Variants in MTA3 observed in about 807,000 individuals in gnomAD.
The protein encoded by MTA3 is metastasis associated 1 family member 3.
A neutral mutation model predicts 83.5 loss-of-function variants in MTA3; 34 were observed. The ratio of observed to expected loss-of-function variants is 0.41; its 90% CI spans 0.31 to 0.54. MTA3 has a LOEUF of 0.54. MTA3 is among the 20% of genes least tolerant of loss of function. MTA3 has a pLI of 0.33. For synonymous variants in MTA3, 303 were observed against 252.7 expected (o/e 1.20, Z -1.89); for missense variants, 761 against 726.4 (o/e 1.05, Z -0.55).
intron 2 of MTA3, among the ~76,000 whole-genome samples, chr2:42,571,812 T>C (rs1678517161): frequency 6.6e-6 from 1 of 151,966 alleles, no homozygotes; most frequent in African/African-American, 2.4e-5. Flanking sequence ...CTGAGTGTGT[T>C]GGTGCATGCC....
At chr2:42,746,628 A>G (rs963372078) in intron 16 of MTA3, among the ~76,000 whole-genome samples, 7 of 152,206 alleles carry the variant, frequency 4.6e-5, no homozygotes, top group Admixed American at 1.3e-4. Flanking sequence ...CTGGCTATAA[A>G]TCAGGAATTC....
intron 2 of MTA3, among the ~76,000 whole-genome samples, chr2:42,571,384 C>T (rs1233478620): frequency 4.6e-5 from 3 of 65,178 alleles, no homozygotes; most frequent in Admixed American, 2.3e-4. Context: ...AAAACACTGT[C>T]TCAAAAAAAA....
At chr2:42,722,768 G>C (rs939130013) in intron 15 of MTA3, 121 bp from the exon 16 acceptor site, 27 of 1,174,126 alleles carry the variant, frequency 2.3e-5, no homozygotes, top group Non-Finnish European at 3.1e-5. Flanking sequence ...TCCTTGGCTG[G>C]CTCAGGAGGA....
chr2:42,634,023 G>C (rs1236717530), intron 4 of MTA3, among the ~76,000 whole-genome samples: 1 of 152,146 alleles, frequency 6.6e-6, no homozygotes, highest in African/African-American at 2.4e-5. Flanking sequence ...TGTATCCCAG[G>C]GACCTTTGAC....
In MTA3 at chr2:42,753,422, A is replaced by G. The variant is rs1428564603; in HGVS notation, c.*23A>G. The G allele has an allele frequency of 1.3e-6, 2 of 1,550,488 alleles. No homozygotes were observed. The highest frequency in any genetic ancestry group is 1.7e-6 in the Non-Finnish European group (2 of 1,146,910). ...TGAGCTTTCCCTGATTCATTCTACAATCCAAGACTTGCTGCACTGTCCTGC... is the reference window on the plus strand; with the variant it reads ...TGAGCTTTCCCTGATTCATTCTACAGTCCAAGACTTGCTGCACTGTCCTGC... On this transcript the variant is annotated 3_prime_UTR_variant, in exon 17 of 17. Transcript: ENST00000405094.
intron 16 of MTA3, among the ~76,000 whole-genome samples, chr2:42,742,857 A>T (rs1558636745): frequency 6.6e-6 from 1 of 152,206 alleles, no homozygotes; most frequent in African/African-American, 2.4e-5. Context: ...TAAAAATATG[A>T]TTTTTAAAAT....
intron 12 of MTA3, among the ~76,000 whole-genome samples, chr2:42,706,733 A>G (rs1666122138): frequency 6.6e-6 from 1 of 152,236 alleles, no homozygotes; most frequent in African/African-American, 2.4e-5. Flanking sequence ...AAACTACAAA[A>G]CAAAAACTAA....
At chr2:42,657,851 C>T (rs900859963) in intron 7 of MTA3, among the ~76,000 whole-genome samples, 3 of 151,116 alleles carry the variant, frequency 2.0e-5, no homozygotes, top group African/African-American at 7.3e-5. Context: ...AGGCAGATCA[C>T]CTTAGGTCAG....
intron 3 of MTA3, among the ~76,000 whole-genome samples, chr2:42,584,063 G>A (rs1679984737): frequency 6.6e-6 from 1 of 151,126 alleles, no homozygotes; most frequent in African/African-American, 2.4e-5. Flanking sequence ...GGCTGGTCTC[G>A]AACTCCCTAC....
intron 8 of MTA3, among the ~76,000 whole-genome samples, chr2:42,677,758 C>G (rs1169646442): frequency 2.0e-5 from 3 of 152,126 alleles, no homozygotes; most frequent in Non-Finnish European, 2.9e-5. Flanking sequence ...TGAGGCCTCC[C>G]CAGCCATGTG....
rs70963347 is a variant in MTA3, at chr2:42,695,634, C to CAAAAA, written c.892-108_892-104dup. On this transcript the variant is annotated intron_variant, in intron 9 of 16. Coordinates refer to ENST00000405094, the MANE Select transcript of MTA3 (RefSeq NM_001330442.2). ...TGGGCAACAAAGTGACAGTCTATCT[C>CAAAAA]AAAAAAAAAAAAAAAAAAAAAAAAA... 1,005 of 130,728 alleles carry CAAAAA rather than the reference C, an allele frequency of 7.7e-3. 50 individuals are homozygous for CAAAAA. The highest frequency in any genetic ancestry group is 0.011 in the Middle Eastern group (4 of 350). The allele number at this position is 130,728 out of a possible 1,614,324, so 8.1% of individuals were successfully genotyped here.
chr2:42,661,663 G>A (rs1266799768), intron 8 of MTA3, among the ~76,000 whole-genome samples: 2 of 151,968 alleles, frequency 1.3e-5, no homozygotes, highest in Non-Finnish European at 2.9e-5. Flanking sequence ...AAATAGTACA[G>A]CAGCAGCCAA....
At chr2:42,735,351 G>C (rs1182362237) in intron 16 of MTA3, among the ~76,000 whole-genome samples, 2 of 152,074 alleles carry the variant, frequency 1.3e-5, no homozygotes, top group African/African-American at 4.8e-5. Context: ...GATCTCCTTT[G>C]TATGATATTT....
At chr2:42,553,108 C>G (rs1677196196) in intron 2 of MTA3, among the ~76,000 whole-genome samples, 1 of 151,784 alleles carries the variant, frequency 6.6e-6, no homozygotes, top group African/African-American at 2.4e-5. Flanking sequence ...GAGACCCTGT[C>G]TCTACAAAAA....
chr2:42,674,674 C>T (rs1691169861), intron 8 of MTA3, among the ~76,000 whole-genome samples: 1 of 149,334 alleles, frequency 6.7e-6, no homozygotes, highest in Admixed American at 6.7e-5. Flanking sequence ...TCTCAGCTCA[C>T]TGCAACTGAC....
At chr2:42,547,209 T>C (rs1198753404) in intron 2 of MTA3, among the ~76,000 whole-genome samples, 1 of 152,146 alleles carries the variant, frequency 6.6e-6, no homozygotes, top group Non-Finnish European at 1.5e-5. Context: ...GCCGGCAGAA[T>C]CACAGCAGAT....
chr2:42,610,547 T>C (rs1233372845), intron 4 of MTA3, among the ~76,000 whole-genome samples: 2 of 152,184 alleles, frequency 1.3e-5, no homozygotes. Context: ...TTGTTTGTCG[T>C]TTTGGCAGTT....
chr2:42,594,728 A>ATCTTTTTTT, intron 3 of MTA3, among the ~76,000 whole-genome samples: 1 of 24,044 alleles, frequency 4.2e-5, no homozygotes, highest in Non-Finnish European at 6.5e-5. Flanking sequence ...ATATATATAT[A>ATCTTTTTTT]TTTTTTTTTT....
chr2:42,617,123 C>T (rs1310560914), intron 4 of MTA3, among the ~76,000 whole-genome samples: 2 of 152,280 alleles, frequency 1.3e-5, no homozygotes, highest in South Asian at 4.2e-4. Flanking sequence ...AGGAAAGGTT[C>T]TAGCCTATAA....
Sources: gnomAD v4.1 joint callset for allele counts (sites outside exome capture counted in the v4.1 genomes callset) on GRCh38, gnomAD v4.1.1 for gene constraint, MANE v1.5 for transcripts, NCBI Gene and HGNC (gene_info 2026-07-23, HGNC 2026-07-21) for gene names.